Variants in CSMD2 observed in about 807,000 individuals in gnomAD.
CSMD2 encodes the protein CUB and sushi domain-containing protein 2.
A neutral mutation model predicts 398.5 loss-of-function variants in CSMD2; 130 were observed. That is an observed-to-expected ratio of 0.33 (90% CI 0.28 to 0.38). The LOEUF (loss-of-function observed/expected upper bound fraction) is 0.38, where lower values mean the gene tolerates loss of function less well. CSMD2 is among the 10% of genes least tolerant of loss of function. The pLI is 1.00. For missense variants in CSMD2, 3,829 were observed against 4,764.9 expected (o/e 0.80, Z 5.78); for synonymous variants, 1,828 against 1,908.5 (o/e 0.96, Z 1.10).
intron 2 of CSMD2, among the ~76,000 whole-genome samples, chr1:34,043,444 T>G (rs1389085760): frequency 2.0e-5 from 3 of 152,242 alleles, no homozygotes; most frequent in African/African-American, 7.2e-5. Flanking sequence ...GTACTTCTAC[T>G]TTGTAACATT....
intron 5 of CSMD2, among the ~76,000 whole-genome samples, chr1:33,849,371 A>G (rs1638533039): frequency 6.6e-6 from 1 of 152,202 alleles, no homozygotes; most frequent in South Asian, 2.1e-4. Context: ...TCTTAAAAGC[A>G]TTATGTTGGG....
At chr1:34,135,474 C>T (rs988033358) in intron 1 of CSMD2, among the ~76,000 whole-genome samples, 3 of 151,886 alleles carry the variant, frequency 2.0e-5, no homozygotes, top group African/African-American at 7.3e-5. Flanking sequence ...CAAAAACTAG[C>T]TGGTGTGGTG....
intron 3 of CSMD2, among the ~76,000 whole-genome samples, chr1:33,976,325 G>C (rs773524065): frequency 2.6e-4 from 39 of 152,292 alleles, no homozygotes; most frequent in African/African-American, 6.7e-4. Context: ...GATCCAAAAG[G>C]GGGTGGTTGG....
At chr1:33,580,466 A>G (rs292809) in intron 48 of CSMD2, among the ~76,000 whole-genome samples, 67,432 of 152,134 alleles carry the variant, frequency 0.44, 16,647 homozygotes, top group African/African-American at 0.67. Flanking sequence ...AGAAACTTTT[A>G]TTAGCATTTC....
chr1:33,621,269 A>G (rs1641751935), intron 37 of CSMD2, among the ~76,000 whole-genome samples: 1 of 152,142 alleles, frequency 6.6e-6, no homozygotes, highest in South Asian at 2.1e-4. Context: ...GCGGGGACCT[A>G]ACACAGGGCG....
chr1:33,567,583 A>G lies in CSMD2; in HGVS notation c.8380+10T>C, dbSNP rs1211735600. On this transcript the variant is annotated intron_variant, in intron 53 of 70. Transcript: ENST00000373381. ...GCCCCATGACTAGGGAGAGTGGATG[A>G]CATACTTACGCACACAGAAAGGGGT... 2 of 1,613,822 alleles carry G rather than the reference A, an allele frequency of 1.2e-6. No individual in the cohort carries two copies. Among genetic ancestry groups the G allele is most frequent in the African/African-American group, 2.7e-5 (2 of 74,912 alleles).
At chr1:33,732,493 C>T (rs1453587490) in intron 15 of CSMD2, among the ~76,000 whole-genome samples, 1 of 152,160 alleles carries the variant, frequency 6.6e-6, no homozygotes, top group African/African-American at 2.4e-5. Context: ...TGCATGTGCA[C>T]AGGAAAACAG....
intron 27 of CSMD2, among the ~76,000 whole-genome samples, 161 bp downstream of exon 27, chr1:33,657,785 C>T (rs542837940): frequency 6.6e-6 from 1 of 152,116 alleles, no homozygotes; most frequent in Non-Finnish European, 1.5e-5. Context: ...CGTGTGGGGA[C>T]ACATGCATGC....
rs145362512 is a variant in CSMD2, at chr1:33,652,159, C to T, written c.4586+164G>A. Among the ~76,000 whole-genome samples the T allele has an allele frequency of 5.8e-3, 877 of 152,278 alleles. 8 individuals carry two copies. Among genetic ancestry groups the T allele is most frequent in the African/African-American group, 0.02 (829 of 41,536 alleles). On this transcript the variant is annotated intron_variant, in intron 28 of 70. Transcript: ENST00000373381. The stretch of plus-strand genomic sequence containing the variant: ...AGACCACTGAGCACAGTGCTTGGCA[C>T]GTAGATGTTCAATAAATGCTAGTTT...
At chr1:33,682,793 C>T (rs1644948757) in intron 25 of CSMD2, among the ~76,000 whole-genome samples, 1 of 152,156 alleles carries the variant, frequency 6.6e-6, no homozygotes. Context: ...CACCCAAGGT[C>T]TAGAGCCCCG....
chr1:34,159,423 T>C (rs759865833), intron 1 of CSMD2, among the ~76,000 whole-genome samples: 3 of 147,390 alleles, frequency 2.0e-5, no homozygotes, highest in African/African-American at 5.0e-5. Flanking sequence ...AGCAGCACAG[T>C]ATAACTGATG....
In CSMD2 at chr1:34,089,155, T is replaced by C; in HGVS notation, c.226A>G (p.Thr76Ala). Reference protein sequence around the residue: ...CTFQLHGPNGTVESPGFPYGY... With the variant: ...CTFQLHGPNGAVESPGFPYGY... ...TATGGGAACCCTGGGCTCTCAACTG[T>C]CCCATTGGGACCGTGCAGTTGGAAC... The change falls in exon 2 of 71, where the codon ACA (threonine) becomes GCA (alanine). Residue 76 changes from threonine to alanine, a missense_variant. Around this residue, in one of 5 missense-constraint regions of CSMD2, gnomAD observed 184 missense variants for 217.7 expected, o/e 0.85. Coordinates refer to ENST00000373381, the MANE Select transcript of CSMD2 (RefSeq NM_001281956.2). 6.2e-7 allele frequency: 1 copy of C among 1,614,094 alleles called. No homozygotes were observed. The highest frequency in any genetic ancestry group is 8.5e-7 in the Non-Finnish European group (1 of 1,179,996).
In CSMD2 at chr1:33,533,954, C is replaced by T. The variant is rs761564983; in HGVS notation, c.9880-47G>A. ...CATCAGCCCCTTCCTTTCAGCGGTGCTTCCTACGTCTGTCCCTTGACCACT... is the reference window on the plus strand; with the variant it reads ...CATCAGCCCCTTCCTTTCAGCGGTGTTTCCTACGTCTGTCCCTTGACCACT... On this transcript the variant is annotated intron_variant, in intron 62 of 70. Coordinates refer to ENST00000373381, the MANE Select transcript of CSMD2 (RefSeq NM_001281956.2). This position sits in a 1 kb window ranked among gnomAD's most constrained non-coding sequence, Gnocchi z 4.2. 2 of 1,197,892 alleles carry T rather than the reference C, an allele frequency of 1.7e-6. No homozygotes were observed. Among genetic ancestry groups the T allele is most frequent in the South Asian group, 1.2e-5 (1 of 80,198 alleles). 74.2% of individuals were successfully genotyped at this position (1,197,892 alleles called of 1,614,324 possible). A position where few individuals can be genotyped will look rare whatever the true frequency, so the allele number is the denominator to read the frequency against.
At chr1:33,879,747 T>C (rs1385210105) in intron 5 of CSMD2, among the ~76,000 whole-genome samples, 1 of 152,216 alleles carries the variant, frequency 6.6e-6, no homozygotes, top group East Asian at 1.9e-4. Context: ...CTGTATGAAC[T>C]TGGCAAGTTA....
intron 1 of CSMD2, among the ~76,000 whole-genome samples, chr1:34,128,755 G>C (rs544122993): frequency 1.4e-4 from 21 of 152,246 alleles, no homozygotes; most frequent in African/African-American, 4.6e-4. Flanking sequence ...ACTCCACACA[G>C]AGCCTGAAGT....
chr1:33,968,348 T>C (rs890978284), intron 3 of CSMD2, among the ~76,000 whole-genome samples: 1 of 152,242 alleles, frequency 6.6e-6, no homozygotes, highest in African/African-American at 2.4e-5. Flanking sequence ...AACAATCCTC[T>C]AGCATCTGGT....
chr1:33,696,468 T>C (rs935796494), intron 24 of CSMD2, among the ~76,000 whole-genome samples: 4 of 152,080 alleles, frequency 2.6e-5, no homozygotes, highest in African/African-American at 7.2e-5. Context: ...CCAACCTGAT[T>C]GAAAGATGCC....
Position 33,624,561 on chromosome 1 carries a change from G to C in CSMD2, c.5583C>G (p.Asn1861Lys). 1 of 1,614,026 alleles carries C rather than the reference G, an allele frequency of 6.2e-7. No homozygotes were observed. The highest frequency in any genetic ancestry group is 8.5e-7 in the Non-Finnish European group (1 of 1,179,938). ...CGGGGACCACGATCTTCCACACACA[G>C]TTGAGGCTGTTGAGGTACGGCTCTG... ...GFPEPYLNSL[N>K]CVWKIVVPEG... The change falls in exon 35 of 71, where the codon AAC becomes AAG. Residue 1861 changes from asparagine to lysine, a missense_variant. Coordinates refer to ENST00000373381, the MANE Select transcript of CSMD2 (RefSeq NM_001281956.2). The surrounding 1 kb of genome is among the most constrained non-coding windows in gnomAD (Gnocchi z 4.7).
At chr1:33,651,079 T>G (rs1643729713) in intron 28 of CSMD2, among the ~76,000 whole-genome samples, 1 of 152,188 alleles carries the variant, frequency 6.6e-6, no homozygotes, top group African/African-American at 2.4e-5. Context: ...GGTGGTTATT[T>G]CAGCATTTTT....
Sources: allele counts gnomAD v4.1 joint callset (sites outside exome capture counted in the v4.1 genomes callset), GRCh38; gene constraint gnomAD v4.1.1; regional missense constraint gnomAD v4.1.1; non-coding constraint Gnocchi (gnomAD v3.1); transcripts MANE v1.5; gene names NCBI Gene and HGNC (gene_info 2026-07-23, HGNC 2026-07-21).